Variants in ACCS observed in about 807,000 individuals in gnomAD.
ACCS encodes 1-aminocyclopropane-1-carboxylate synthase homolog (inactive), also known as 1-aminocyclopropane-1-carboxylate synthase-like protein 1.
In ACCS, 42 loss-of-function variants were observed where a neutral mutation model predicts 59.8. That is an observed-to-expected ratio of 0.70 (90% CI 0.55 to 0.91). The LOEUF (loss-of-function observed/expected upper bound fraction) is 0.91. Ranked by LOEUF, ACCS falls within the 40% of genes least tolerant of loss-of-function variation. ACCS has a pLI of 0.00. For missense variants in ACCS, 602 were observed against 630.4 expected (o/e 0.95, Z 0.48); for synonymous variants, 230 against 240.3 (o/e 0.96, Z 0.40).
Position 44,078,700 on chromosome 11 carries a change from G to T in ACCS, c.749G>T (p.Gly250Val), listed in dbSNP as rs567808580. The change falls in exon 9 of 15, where the codon GGC becomes GTC. Residue 250 changes from glycine to valine, a missense_variant. Transcript: ENST00000263776. Reference sequence around the variant, plus strand: ...TGGTTTCAGGGTGTGAAGGTCAAAGGCCTCATCCTCATCAGCCCCCAGAAC... The same window carrying T: ...TGGTTTCAGGGTGTGAAGGTCAAAGTCCTCATCCTCATCAGCCCCCAGAAC... ...EAHSEGVKVK[G>V]LILISPQNPL... is the part of the protein sequence containing the mutation. 1 of 1,613,884 alleles carries T rather than the reference G, an allele frequency of 6.2e-7. No individual in the cohort carries two copies. Among genetic ancestry groups the T allele is most frequent in the East Asian group, 2.2e-5 (1 of 44,874 alleles).
At chr11:44,068,820 C>A (rs75679242) in intron 2 of ACCS, among the ~76,000 whole-genome samples, 20,934 of 152,202 alleles carry the variant, frequency 0.14, 1,574 homozygotes, top group Non-Finnish European at 0.17. Context: ...CTTTAATAAT[C>A]TTTATTTGTT....
chr11:44,067,759 G>A lies in ACCS; in HGVS notation c.132G>A (p.Leu44=), dbSNP rs1392509151. The change falls in exon 2 of 15, where the codon CTG becomes CTA. Residue 44 remains leucine (L), a synonymous_variant. Transcript: ENST00000263776. ...GECSRKLDQK[L]PELRGVGDPA... ...GCTCCAGAAAACTGGACCAGAAGCT[G>A]CCAGAGCTCCGTGGAGTGGGTGATC... is the stretch of plus-strand genomic sequence containing the variant. The A allele has an allele frequency of 6.2e-7, 1 of 1,614,222 alleles. No homozygotes were observed. The highest frequency in any genetic ancestry group is 1.7e-5 in the Admixed American group (1 of 60,030).
At chr11:44,075,692 C>T in intron 6 of ACCS, 100 bp downstream of exon 6, 1 of 1,405,442 alleles carries the variant, frequency 7.1e-7, no homozygotes. Flanking sequence ...TGCTTTCGGG[C>T]ACAATAGAAT....
rs748524766 is a variant in ACCS at position 44,083,557 on chromosome 11, A to G, written c.1388A>G (p.Gln463Arg). 1.2e-5 allele frequency: 20 copies of G among 1,614,256 alleles called. No individual in the cohort carries two copies. Among genetic ancestry groups the G allele is most frequent in the South Asian group, 1.1e-4 (10 of 91,092 alleles). The change falls in exon 14 of 15, where the codon CAG becomes CGG. Residue 463 changes from glutamine to arginine, a missense_variant. Physicochemically the swap from Gln to Arg is conservative, Grantham distance 43 (BLOSUM62 1). Coordinates refer to ENST00000263776, the MANE Select transcript of ACCS (RefSeq NM_032592.4). Reference sequence around the variant, plus strand: ...TGGTTTCGCTTTGTCTTCTCAGACCAGGTCCACCGGCTTTGCCTGGGTGAG... The same window carrying G: ...TGGTTTCGCTTTGTCTTCTCAGACCGGGTCCACCGGCTTTGCCTGGGTGAG... ...PGWFRFVFSD[Q>R]VHRLCLGMQR...
In ACCS at chr11:44,066,671, C is replaced by T. The variant is rs963877395; in HGVS notation, c.-31C>T. ...GGCTTCCGCCCACTGTGCTGCCCTT[C>T]CTCGGACCTGGGCTGTCGGGAGAGC... On this transcript the variant is annotated 5_prime_UTR_variant, in exon 1 of 15. Transcript: ENST00000263776. 2 of 152,376 alleles carry T rather than the reference C, an allele frequency of 1.3e-5. No homozygotes were observed. The highest frequency in any genetic ancestry group is 2.9e-5 in the Non-Finnish European group (2 of 68,178). The allele number at this position is 152,376 out of a possible 1,614,324, so 9.4% of individuals were successfully genotyped here.
chr11:44,071,461 A>G (rs575873036), intron 3 of ACCS, 146 bp downstream of exon 3: 344 of 786,554 alleles, frequency 4.4e-4, no homozygotes, highest in Admixed American at 1.8e-3. Context: ...ACCTTGGGAC[A>G]GTTTTCTGTG....
intron 10 of ACCS, chr11:44,080,561 T>G (rs1565182664): frequency 5.5e-6 from 1 of 183,302 alleles, no homozygotes; most frequent in Non-Finnish European, 1.2e-5. Context: ...CATAGACCCT[T>G]CTTGTGTAGA....
intron 3 of ACCS, 188 bp from the exon 4 acceptor site, chr11:44,073,259 C>A: frequency 1.5e-6 from 1 of 651,644 alleles, no homozygotes; most frequent in South Asian, 1.7e-5. Flanking sequence ...GTGACCTTGG[C>A]TGAGTGACCT....
intron 7 of ACCS, chr11:44,077,638 G>A (rs930011631): frequency 2.8e-6 from 4 of 1,436,966 alleles, no homozygotes; most frequent in Non-Finnish European, 3.6e-6. Context: ...GTAGACCTAA[G>A]CATGACACCC....
intron 2 of ACCS, among the ~76,000 whole-genome samples, chr11:44,068,996 A>G (rs1007947239): frequency 1.3e-5 from 2 of 152,186 alleles, no homozygotes; most frequent in African/African-American, 4.8e-5. Flanking sequence ...ACAGAGAAAG[A>G]TGGGTGGGCT....
chr11:44,082,545 T>C (rs1565184963), intron 12 of ACCS, among the ~76,000 whole-genome samples: 1 of 152,164 alleles, frequency 6.6e-6, no homozygotes, highest in Non-Finnish European at 1.5e-5. Context: ...TCCAATTCGA[T>C]GACATTCTGG....
Position 44,083,434 on chromosome 11 carries a change from A to G in ACCS, c.1265A>G (p.Lys422Arg), listed in dbSNP as rs967312604. ...IWVDLRKYLP[K>R]GTFEEEMLLW... is the part of the protein sequence containing the mutation. ...CTTCCACCCTCTCAGTACCTGCCCA[A>G]GGGCACCTTTGAGGAGGAAATGCTG... The change falls in exon 14 of 15, where the codon AAG (lysine) becomes AGG (arginine). Residue 422 changes from lysine to arginine, a missense_variant. Lys to Arg is a conservative substitution (Grantham distance 26). Transcript: ENST00000263776. 3.7e-6 allele frequency: 6 copies of G among 1,614,034 alleles called. No individual in the cohort carries two copies. The African/African-American group carries it at 6.7e-5, about 18-fold the overall frequency.
Position 44,075,382 on chromosome 11 carries a change from C to G in ACCS, c.490-144C>G, listed in dbSNP as rs549509831. On this transcript the variant is annotated intron_variant, in intron 5 of 14. Coordinates refer to ENST00000263776, the MANE Select transcript of ACCS (RefSeq NM_032592.4). ...GGTCCACACGGATGAGCTTGGCTGT[C>G]AGTCTAGTGGCTTTGTTGTGACAGA... 1.6e-4 allele frequency: 125 copies of G among 760,512 alleles called. No homozygotes were observed. The Admixed American group carries it at 2.6e-3, about 16-fold the overall frequency. 47.1% of individuals were successfully genotyped at this position (760,512 alleles called of 1,614,324 possible).
At chr11:44,080,715 G>C in intron 10 of ACCS, 1 of 459,936 alleles carries the variant, frequency 2.2e-6, no homozygotes, top group Non-Finnish European at 4.0e-6. Context: ...CTGGTCCCAG[G>C]GGGAGTGGTT....
chr11:44,073,538 G>A, intron 4 of ACCS, 21 bp downstream of exon 4: 1 of 1,591,120 alleles, frequency 6.3e-7, no homozygotes, highest in Admixed American at 1.7e-5. Context: ...GCCATAGGGT[G>A]AGTTTGTCCC....
intron 2 of ACCS, among the ~76,000 whole-genome samples, chr11:44,068,809 C>A (rs1952910227): frequency 4.6e-5 from 7 of 152,092 alleles, no homozygotes; most frequent in Admixed American, 4.6e-4. Flanking sequence ...TACAAATAAC[C>A]CTTTAATAAT....
chr11:44,082,368 C>G (rs189563937), intron 12 of ACCS, among the ~76,000 whole-genome samples: 1 of 152,340 alleles, frequency 6.6e-6, no homozygotes, highest in Admixed American at 6.5e-5. Flanking sequence ...TCACCCATAA[C>G]TGGAACAACC....
chr11:44,074,734 C>CTCTTTCTTTTCTTTCTTTCTT, intron 5 of ACCS, 53 bp downstream of exon 5: 1 of 546,676 alleles, frequency 1.8e-6, no homozygotes. Context: ...CCCTCTCCAT[C>CTCTTTCTTTTCTTTCTTTCTT]TCTTTCTTTC....
intron 8 of ACCS, chr11:44,078,186 T>A (rs574159713): frequency 2.1e-6 from 1 of 478,774 alleles, no homozygotes; most frequent in African/African-American, 1.9e-5. Context: ...CCATCCCTGA[T>A]CCATCTGATT....
Sources: gnomAD v4.1 joint callset for allele counts (sites outside exome capture counted in the v4.1 genomes callset) on GRCh38, gnomAD v4.1.1 for gene constraint, MANE v1.5 for transcripts, NCBI Gene and HGNC (gene_info 2026-07-23, HGNC 2026-07-21) for gene names.